The following PYHIN1 variants were observed in gnomAD, a reference collection of about 807,000 sequenced individuals.
PYHIN1 encodes pyrin and HIN domain-containing protein 1.
PYHIN1 carries 32 observed loss-of-function variants against 43.7 expected under a neutral mutation model. The ratio of observed to expected loss-of-function variants is 0.73; its 90% CI spans 0.55 to 0.98. The LOEUF (loss-of-function observed/expected upper bound fraction) is 0.98. Among genes scored for constraint, PYHIN1 ranks in the 50% least tolerant of loss-of-function variants. The pLI is 0.00. For synonymous variants in PYHIN1, 205 were observed against 203.1 expected, an observed-to-expected ratio of 1.01 and a Z score of -0.08; for missense variants, 588 against 589.5, an observed-to-expected ratio of 1.00 and a Z score of 0.03.
In PYHIN1 at chr1:158,943,819, T is replaced by A. The variant is rs1161604839; in HGVS notation, c.1032T>A (p.Tyr344Ter). 4.4e-6 allele frequency: 7 copies of A among 1,602,614 alleles called. No homozygotes were observed. In the Admixed American group the frequency reaches 8.6e-5, roughly 20 times the overall value. Reference protein sequence around the residue: ...TKIVNRKTTIYEIQDKTGSMA... With the variant: ...TKIVNRKTTI ...TTGTAAATAGGAAGACGACAATCTA[T>A]GAAATTCAGGATAAAACAGGAAGTA... Residue 344 changes from tyrosine (Y) to a stop codon, truncating the protein, a stop_gained, in exon 6 of 9, where the codon TAT (tyrosine) becomes TAA (stop). Coordinates refer to ENST00000368140, the MANE Select transcript of PYHIN1 (RefSeq NM_152501.5). LOFTEE classifies it high-confidence loss of function.
chr1:158,955,048 C>G (rs1002316448), intron 7 of PYHIN1, among the ~76,000 whole-genome samples: 2 of 152,012 alleles, frequency 1.3e-5, no homozygotes, highest in Non-Finnish European at 2.9e-5. Flanking sequence ...ACAAGAAGAG[C>G]TAACTATCCT....
chr1:158,952,518 G>A (rs1477339790), intron 7 of PYHIN1, among the ~76,000 whole-genome samples: 3 of 152,072 alleles, frequency 2.0e-5, no homozygotes, highest in South Asian at 2.1e-4. Flanking sequence ...TATTGGAGGA[G>A]GGAGCTCAGG....
intron 7 of PYHIN1, among the ~76,000 whole-genome samples, chr1:158,957,323 C>A (rs1650002940): frequency 6.6e-6 from 1 of 151,916 alleles, no homozygotes; most frequent in Non-Finnish European, 1.5e-5. Flanking sequence ...AAGAACAAAG[C>A]TGGAGGCATC....
chr1:158,981,224 C>T (rs748246174), downstream of PYHIN1, among the ~76,000 whole-genome samples: 4 of 152,130 alleles, frequency 2.6e-5, no homozygotes, highest in Non-Finnish European at 5.9e-5. Flanking sequence ...TACACATGTA[C>T]TTTGGGAGGC....
downstream of PYHIN1, among the ~76,000 whole-genome samples, chr1:158,979,036 C>T (rs1271961733): frequency 1.3e-5 from 2 of 152,164 alleles, no homozygotes; most frequent in Non-Finnish European, 2.9e-5. Flanking sequence ...TGAAATAGCT[C>T]TGAGAGGATC....
the PYHIN1 span, among the ~76,000 whole-genome samples, chr1:158,988,928 T>C: frequency 6.6e-6 from 1 of 152,180 alleles, no homozygotes; most frequent in African/African-American, 2.4e-5. Context: ...ATATGACAAG[T>C]GGACACCATC....
At chr1:158,958,555 A>G (rs1366706580) in intron 7 of PYHIN1, among the ~76,000 whole-genome samples, 22 of 139,304 alleles carry the variant, frequency 1.6e-4, no homozygotes, top group Non-Finnish European at 3.2e-4. Context: ...GAATTGAACA[A>G]TGAGATCACA....
intron 8 of PYHIN1, among the ~76,000 whole-genome samples, chr1:158,976,489 A>G (rs549078429): frequency 6.6e-6 from 1 of 152,120 alleles, no homozygotes; most frequent in South Asian, 2.1e-4. Context: ...GTAGGAGTGA[A>G]TATCGCATTT....
At chr1:158,947,677 G>C (rs1196552839) in intron 7 of PYHIN1, among the ~76,000 whole-genome samples, 1 of 152,228 alleles carries the variant, frequency 6.6e-6, no homozygotes, top group Non-Finnish European at 1.5e-5. Context: ...AGAAGGTGCT[G>C]TAAAGAGTAG....
Position 158,976,262 on chromosome 1 carries a change from C to T in PYHIN1, c.*6-439C>T, listed in dbSNP as rs572745554. Among the ~76,000 whole-genome samples, 11 of 152,200 alleles carry T rather than the reference C, an allele frequency of 7.2e-5. No individual in the cohort carries two copies. In the South Asian group the frequency reaches 1.9e-3, roughly 26 times the overall value. On this transcript the variant is annotated intron_variant, in intron 8 of 8. Transcript: ENST00000368140. ...TAACACATTCAGACACACAAAAATG[C>T]AAAGGCTTTCTGATTGCTCCAGTTC...
Position 158,946,283 on chromosome 1 carries a change from G to A in PYHIN1, c.1359+1241G>A, listed in dbSNP as rs1024816043. Among the ~76,000 whole-genome samples, 4 of 152,122 alleles carry A rather than the reference G, an allele frequency of 2.6e-5. No homozygotes were observed. The East Asian group carries it at 7.7e-4, about 29-fold the overall frequency. On this transcript the variant is annotated intron_variant, in intron 7 of 8. Coordinates refer to ENST00000368140, the MANE Select transcript of PYHIN1 (RefSeq NM_152501.5). The stretch of plus-strand genomic sequence containing the variant: ...TATTACATAACTGAATTCTAGAAGT[G>A]GTAGAACTATGGAAAGTAACCTATT...
chr1:158,946,951 G>C (rs545566826), intron 7 of PYHIN1, among the ~76,000 whole-genome samples: 2 of 152,300 alleles, frequency 1.3e-5, no homozygotes, highest in South Asian at 4.1e-4. Context: ...CCAGAGCAGA[G>C]TGAGCCTCAG....
intron 7 of PYHIN1, among the ~76,000 whole-genome samples, chr1:158,945,656 CAG>C (rs1034588609): frequency 2.6e-5 from 4 of 152,182 alleles, no homozygotes; most frequent in African/African-American, 9.7e-5. Flanking sequence ...CAGAAGTGAA[CAG>C]AGAGGCTTAT....
downstream of PYHIN1, among the ~76,000 whole-genome samples, chr1:158,980,287 G>C (rs982172360): frequency 2.6e-5 from 4 of 152,090 alleles, no homozygotes; most frequent in African/African-American, 9.7e-5. Context: ...CAGATTGATT[G>C]TAAAACATGT....
At chr1:158,965,231 A>T (rs913133654) in intron 7 of PYHIN1, among the ~76,000 whole-genome samples, 7 of 152,200 alleles carry the variant, frequency 4.6e-5, no homozygotes, top group African/African-American at 1.7e-4. Flanking sequence ...GAGCACCTAG[A>T]CTCATAAAAC....
chr1:158,945,072 T>G, intron 7 of PYHIN1, 30 bp downstream of exon 7: 2 of 1,582,706 alleles, frequency 1.3e-6, no homozygotes, highest in Non-Finnish European at 8.6e-7. Context: ...ATGACTCTTA[T>G]CTCCCAAATA....
intron 8 of PYHIN1, among the ~76,000 whole-genome samples, 160 bp from the exon 9 acceptor site, chr1:158,976,541 G>A (rs1189953931): frequency 6.6e-6 from 1 of 152,002 alleles, no homozygotes; most frequent in African/African-American, 2.4e-5. Flanking sequence ...CCAAGGACAG[G>A]ATTCATTAAA....
chr1:158,986,868 G>T, the PYHIN1 span, among the ~76,000 whole-genome samples: 2 of 152,158 alleles, frequency 1.3e-5, no homozygotes, highest in Non-Finnish European at 2.9e-5. Context: ...AGATGTCTGT[G>T]GGAGTTATGG....
intron 7 of PYHIN1, among the ~76,000 whole-genome samples, chr1:158,964,581 T>C (rs1388398327): frequency 6.6e-6 from 1 of 152,182 alleles, no homozygotes; most frequent in Non-Finnish European, 1.5e-5. Context: ...GGGACCTATA[T>C]TCAGCATTCT....
Sources: gnomAD v4.1 joint callset for allele counts (sites outside exome capture counted in the v4.1 genomes callset) on GRCh38, gnomAD v4.1.1 for gene constraint, MANE v1.5 for transcripts, NCBI Gene and HGNC (gene_info 2026-07-23, HGNC 2026-07-21) for gene names.